The following WDR7 variants were observed in gnomAD, a reference collection of about 807,000 sequenced individuals.
WDR7 encodes WD repeat-containing protein 7.
WDR7 carries 46 observed loss-of-function variants against 169.4 expected under a neutral mutation model. That is an observed-to-expected ratio of 0.27 (90% CI 0.21 to 0.35). The LOEUF is 0.35. WDR7 is among the 10% of genes least tolerant of loss of function. The pLI is 1.00. For synonymous variants in WDR7, 612 were observed against 666.8 expected (o/e 0.92, Z 1.27); for missense variants, 1,534 against 1,859.3 (o/e 0.83, Z 3.22).
intron 20 of WDR7, among the ~76,000 whole-genome samples, chr18:56,835,328 G>A (rs2045379367): frequency 6.6e-6 from 1 of 152,134 alleles, no homozygotes; most frequent in African/African-American, 2.4e-5. Flanking sequence ...GATTTCTTCA[G>A]ATGCTGTACT....
At chr18:56,670,974 G>T (rs1386758506) in intron 1 of WDR7, among the ~76,000 whole-genome samples, 1 of 152,026 alleles carries the variant, frequency 6.6e-6, no homozygotes, top group African/African-American at 2.4e-5. Flanking sequence ...CTGTTATCTA[G>T]GTCTTTGACC....
chr18:57,014,876 T>G (rs2048185927), intron 26 of WDR7, among the ~76,000 whole-genome samples: 1 of 151,846 alleles, frequency 6.6e-6, no homozygotes. Flanking sequence ...AAAACAAAAT[T>G]AAGTAAAAGA....
rs77194342 is a variant in WDR7 at position 57,014,745 on chromosome 18, A to G, written c.4165-6000A>G. Among the ~76,000 whole-genome samples the G allele has an allele frequency of 0.012, 1,830 of 152,260 alleles. 111 individuals are homozygous for G. In the East Asian group the frequency reaches 0.18, roughly 15 times the overall value. Reference sequence around the variant, plus strand: ...CTCAAAGATACCATCCAACTCTAAGATGTCTTGATTGGAAAGCTTGGAGAG... The same window carrying G: ...CTCAAAGATACCATCCAACTCTAAGGTGTCTTGATTGGAAAGCTTGGAGAG... On this transcript the variant is annotated intron_variant, in intron 26 of 27. Transcript: ENST00000254442.
chr18:56,797,344 GACAACA>G (rs1342854527), intron 19 of WDR7, among the ~76,000 whole-genome samples: 1 of 152,002 alleles, frequency 6.6e-6, no homozygotes, highest in African/African-American at 2.4e-5. Context: ...CTGTAAAAAG[GACAACA>G]ACAACAATAA....
chr18:56,987,077 C>T (rs902140772), intron 26 of WDR7, among the ~76,000 whole-genome samples: 2 of 151,948 alleles, frequency 1.3e-5, no homozygotes, highest in East Asian at 1.9e-4. Context: ...GTCTGAGTTG[C>T]GGATCAAGTT....
intron 21 of WDR7, among the ~76,000 whole-genome samples, chr18:56,916,878 A>G (rs751482576): frequency 6.6e-6 from 1 of 152,186 alleles, no homozygotes; most frequent in African/African-American, 2.4e-5. Flanking sequence ...CCTGGCCAAC[A>G]TGGTGAAACC....
intron 3 of WDR7, among the ~76,000 whole-genome samples, chr18:56,680,117 G>A (rs1354313717): frequency 6.6e-6 from 1 of 152,136 alleles, no homozygotes; most frequent in East Asian, 1.9e-4. Context: ...AACACTTTGG[G>A]AGGCTGGGAT....
chr18:56,765,603 T>G (rs1041724969), intron 16 of WDR7, among the ~76,000 whole-genome samples: 2 of 151,812 alleles, frequency 1.3e-5, no homozygotes, highest in African/African-American at 4.9e-5. Flanking sequence ...TCACAAATTA[T>G]TCTTGTGATT....
intron 26 of WDR7, among the ~76,000 whole-genome samples, chr18:56,978,754 C>T (rs1327795145): frequency 2.0e-5 from 3 of 152,290 alleles, no homozygotes; most frequent in Admixed American, 6.5e-5. Flanking sequence ...AAAATAGACT[C>T]CTCCTTCCTC....
At chr18:56,974,260 C>G (rs2047532715) in intron 26 of WDR7, among the ~76,000 whole-genome samples, 1 of 152,038 alleles carries the variant, frequency 6.6e-6, no homozygotes, top group Non-Finnish European at 1.5e-5. Flanking sequence ...TGTAACCTGA[C>G]TGCATTGCCA....
At position 56,865,157 on chromosome 18, in the gene WDR7, ATGT is replaced by A. The variant is rs111595561; in HGVS notation, c.3305-14783_3305-14781del. 5.9e-3 allele frequency among the ~76,000 whole-genome samples: 901 copies of A among 152,154 alleles called. 7 individuals are homozygous for A. The highest frequency in any genetic ancestry group is 8.6e-3 in the African/African-American group (356 of 41,570). On this transcript the variant is annotated intron_variant, in intron 20 of 27. Coordinates refer to ENST00000254442, the MANE Select transcript of WDR7 (RefSeq NM_015285.3). The stretch of plus-strand genomic sequence containing the variant: ...AGTACTTACTTGGTAGTCTATACTA[ATGT>A]TGTAGTGGATGCTGAACAAGTTTAG...
Position 56,801,559 on chromosome 18 carries a change from CA to C in WDR7, c.3191-14471del, listed in dbSNP as rs751011844. Among the ~76,000 whole-genome samples the C allele has an allele frequency of 4.7e-4, 71 of 152,318 alleles. 1 individual carries two copies. Among genetic ancestry groups the C allele is most frequent in the Admixed American group, 1.8e-3 (28 of 15,304 alleles). On this transcript the variant is annotated intron_variant, in intron 19 of 27. Transcript: ENST00000254442. Reference sequence around the variant, plus strand: ...AAATATCCATCACCACAGTACCATACAGAACGTTTGTAGCACTTCAATAATT... The same window carrying C: ...AAATATCCATCACCACAGTACCATACGAACGTTTGTAGCACTTCAATAATT...
chr18:56,937,131 T>A (rs72930717), intron 23 of WDR7, among the ~76,000 whole-genome samples: 490 of 152,310 alleles, frequency 3.2e-3, no homozygotes, highest in Non-Finnish European at 5.5e-3. Context: ...AGTATTTTTT[T>A]AAAAATGAAC....
At chr18:56,918,681 A>T (rs2046665563) in intron 21 of WDR7, among the ~76,000 whole-genome samples, 1 of 152,184 alleles carries the variant, frequency 6.6e-6, no homozygotes, top group South Asian at 2.1e-4. Flanking sequence ...TACATTGTTT[A>T]TATTTTTCAT....
intron 5 of WDR7, among the ~76,000 whole-genome samples, chr18:56,684,696 T>C (rs1255455952): frequency 6.6e-6 from 1 of 152,242 alleles, no homozygotes; most frequent in Non-Finnish European, 1.5e-5. Context: ...CCTGCCGCTG[T>C]TCTTCAGAGT....
intron 20 of WDR7, among the ~76,000 whole-genome samples, chr18:56,835,800 A>G (rs1204502222): frequency 6.6e-6 from 1 of 152,214 alleles, no homozygotes; most frequent in Non-Finnish European, 1.5e-5. Flanking sequence ...GATTATTCAC[A>G]TACTGTATTA....
Position 56,924,093 on chromosome 18 carries a change from A to C in WDR7, c.3698A>C (p.Glu1233Ala). Residue 1233 changes from glutamate (E) to alanine (A), a missense_variant, in exon 22 of 28, where the codon GAG becomes GCG. Transcript: ENST00000254442. ...CTTCTCGAACTTTGTGCCGATGCCG[A>C]GAAACAACTTGCCAAGTATGTGTGG... is the stretch of plus-strand genomic sequence containing the variant. The part of the protein sequence containing the change: ...MGLLELCADA[E>A]KQLANITMGL... 1 of 1,612,392 alleles carries C rather than the reference A, an allele frequency of 6.2e-7. No homozygotes were observed. The highest frequency in any genetic ancestry group is 8.5e-7 in the Non-Finnish European group (1 of 1,179,572).
chr18:56,666,201 C>CTTTTTTTTTT (rs71169386), intron 1 of WDR7, among the ~76,000 whole-genome samples: 14 of 101,016 alleles, frequency 1.4e-4, no homozygotes, highest in Admixed American at 4.1e-4. Context: ...ATTCCTTCGT[C>CTTTTTTTTTT]TTTTTTTTTT....
chr18:56,877,663 C>CACTGCTT (rs1347923593), intron 20 of WDR7, among the ~76,000 whole-genome samples: 2 of 152,172 alleles, frequency 1.3e-5, no homozygotes, highest in African/African-American at 4.8e-5. Context: ...ATCTATCTGT[C>CACTGCTT]ACTGCTTATC....
Sources: gnomAD v4.1 joint callset for allele counts (sites outside exome capture counted in the v4.1 genomes callset) on GRCh38, gnomAD v4.1.1 for gene constraint, MANE v1.5 for transcripts, NCBI Gene and HGNC (gene_info 2026-07-23, HGNC 2026-07-21) for gene names.